ASS1: variants seen among roughly 807,000 people sequenced by gnomAD.
ASS1 encodes the protein argininosuccinate synthase.
In ASS1, 58 loss-of-function variants were observed where a neutral mutation model predicts 60.5. The ratio of observed to expected loss-of-function variants is 0.96; its 90% CI spans 0.78 to 1.19. ASS1 has a LOEUF of 1.19. ASS1 is among the 50% of genes most tolerant of loss of function. ASS1 has a pLI of 0.00. For synonymous variants in ASS1, 200 were observed against 206.9 expected (o/e 0.97, Z 0.29); for missense variants, 454 against 547.3 (o/e 0.83, Z 1.70).
At chr9:130,461,714 C>T (rs996566293) in intron 4 of ASS1, among the ~76,000 whole-genome samples, 2 of 152,166 alleles carry the variant, frequency 1.3e-5, no homozygotes, top group African/African-American at 4.8e-5. Flanking sequence ...GAGTGGAGAA[C>T]CAGGAAGGCT....
intron 10 of ASS1, 106 bp downstream of exon 10, chr9:130,479,906 A>G (rs1588495745): frequency 2.4e-6 from 3 of 1,268,730 alleles, no homozygotes; most frequent in Non-Finnish European, 2.3e-6. Context: ...AGGGGTGCGG[A>G]GCACAGGCCA....
rs1267203034 is a variant in ASS1 at position 130,445,114 on chromosome 9, A to T, written c.-6+119A>T. 4.1e-6 allele frequency: 4 copies of T among 978,922 alleles called. No individual in the cohort carries two copies. In the African/African-American group the frequency reaches 7.0e-5, roughly 17 times the overall value. The allele number at this position is 978,922 out of a possible 1,614,324, so 60.6% of individuals were successfully genotyped here. Reference sequence around the variant, plus strand: ...CGGGGCCCGCGGAGGCAGAGGGCGGACCCCGATCGCCACTCGCCGGGGACT... The same window carrying T: ...CGGGGCCCGCGGAGGCAGAGGGCGGTCCCCGATCGCCACTCGCCGGGGACT... On this transcript the variant is annotated intron_variant, in intron 1 of 14. Coordinates refer to ENST00000352480, the MANE Select transcript of ASS1 (RefSeq NM_054012.4).
chr9:130,462,722 C>T (rs1343903190), intron 4 of ASS1, among the ~76,000 whole-genome samples: 2 of 152,182 alleles, frequency 1.3e-5, no homozygotes, highest in African/African-American at 4.8e-5. Context: ...ACGGGGCCGG[C>T]TGGGGGTCAG....
chr9:130,477,194 G>A lies in ASS1; in HGVS notation c.688+233G>A, dbSNP rs555317566. 8.5e-5 allele frequency among the ~76,000 whole-genome samples: 13 copies of A among 152,240 alleles called. No individual in the cohort carries two copies. The East Asian group carries it at 1.7e-3, about 20-fold the overall frequency. On this transcript the variant is annotated intron_variant, in intron 9 of 14. Transcript: ENST00000352480. This position sits in a 1 kb window ranked among gnomAD's most constrained non-coding sequence, Gnocchi z 4.2. Reference sequence around the variant, plus strand: ...ACATGCCCTCGGCTACCCATCACTCGGGTTCATGGGCACCAGGTCTGGAAT... The same window carrying A: ...ACATGCCCTCGGCTACCCATCACTCAGGTTCATGGGCACCAGGTCTGGAAT...
chr9:130,454,290 G>T lies in ASS1; in HGVS notation c.106-15G>T, dbSNP rs77534228. On this transcript the variant is annotated splice_polypyrimidine_tract_variant and intron_variant, in intron 2 of 14. Transcript: ENST00000352480. ...CCCCAGGGGCTGACGGAGCCTCTCCGCTTCTGCTTCTCAGGCCAACATTGG... is the reference window on the plus strand; with the variant it reads ...CCCCAGGGGCTGACGGAGCCTCTCCTCTTCTGCTTCTCAGGCCAACATTGG... The T allele has an allele frequency of 5.0e-6, 8 of 1,607,758 alleles. No homozygotes were observed. Among genetic ancestry groups the T allele is most frequent in the Admixed American group, 3.4e-5 (2 of 59,570 alleles).
At chr9:130,480,812 C>T (rs1339175916) in intron 11 of ASS1, among the ~76,000 whole-genome samples, 1 of 152,188 alleles carries the variant, frequency 6.6e-6, no homozygotes, top group African/African-American at 2.4e-5. Context: ...ATTTCGTGGT[C>T]ATTAAGGCCG....
chr9:130,458,663 G>A (rs1041934099), intron 4 of ASS1, 74 bp downstream of exon 4: 16 of 1,550,644 alleles, frequency 1.0e-5, no homozygotes, highest in Admixed American at 5.7e-5. Flanking sequence ...AGCACCCCTC[G>A]AGCGGTTTCC....
In ASS1 at chr9:130,464,128, G is replaced by T; in HGVS notation, c.381G>T (p.Arg127=). ...GATGKGNDQV[R]FELSCYSLAP... ...CATTGCAGGGGAACGATCAGGTCCG[G>T]TTTGAGCTCAGCTGCTACTCACTGG... The change falls in exon 5 of 15, where the codon CGG becomes CGT. Residue 127 remains arginine (R), a synonymous_variant. Transcript: ENST00000352480. 3 of 1,614,060 alleles carry T rather than the reference G, an allele frequency of 1.9e-6. No homozygotes were observed. Among genetic ancestry groups the T allele is most frequent in the Non-Finnish European group, 2.5e-6 (3 of 1,179,990 alleles).
chr9:130,472,190 C>T (rs967791334), intron 8 of ASS1, among the ~76,000 whole-genome samples: 5 of 152,184 alleles, frequency 3.3e-5, no homozygotes, highest in Non-Finnish European at 5.9e-5. Context: ...GGCCCAGCCC[C>T]ACACCCCGGG....
chr9:130,469,974 G>T (rs964449131), intron 6 of ASS1, among the ~76,000 whole-genome samples: 3 of 152,218 alleles, frequency 2.0e-5, no homozygotes, highest in Non-Finnish European at 4.4e-5. Context: ...GGCCCCTTCA[G>T]TGCACCCTGT....
At position 130,463,963 on chromosome 9, in the gene ASS1, A is replaced by G. The variant is rs1242312714; in HGVS notation, c.364-148A>G. 3 of 816,776 alleles carry G rather than the reference A, an allele frequency of 3.7e-6. No homozygotes were observed. In the African/African-American group the frequency reaches 5.1e-5, roughly 14 times the overall value. 50.6% of individuals were successfully genotyped at this position (816,776 alleles called of 1,614,324 possible). On this transcript the variant is annotated intron_variant, in intron 4 of 14. Coordinates refer to ENST00000352480, the MANE Select transcript of ASS1 (RefSeq NM_054012.4). ...TCTCCCTCCTGCCACATGCCCACAC[A>G]TACACGACCTACACTGCATGACCTC...
chr9:130,449,197 G>C (rs1384291647), intron 1 of ASS1, among the ~76,000 whole-genome samples: 1 of 152,112 alleles, frequency 6.6e-6, no homozygotes, highest in Non-Finnish European at 1.5e-5. Flanking sequence ...CAGGTGTGGT[G>C]GCATGTGCCT....
chr9:130,470,785 G>T lies in ASS1; in HGVS notation c.496-49G>T, dbSNP rs529617766. On this transcript the variant is annotated intron_variant, in intron 6 of 14. Coordinates refer to ENST00000352480, the MANE Select transcript of ASS1 (RefSeq NM_054012.4). This position sits in a 1 kb window ranked among gnomAD's most constrained non-coding sequence, Gnocchi z 4.3. ...GCAGGGCCCCTGGGACGGACCTCAC[G>T]CGTCCTTCCAGCCGCCTTACCTCCA... is the stretch of plus-strand genomic sequence containing the variant. The T allele has an allele frequency of 1.3e-6, 2 of 1,566,964 alleles. No individual in the cohort carries two copies. The highest frequency in any genetic ancestry group is 1.8e-6 in the Non-Finnish European group (2 of 1,137,478).
intron 2 of ASS1, among the ~76,000 whole-genome samples, chr9:130,453,021 G>C (rs1217426458): frequency 3.9e-5 from 6 of 152,198 alleles, no homozygotes; most frequent in Admixed American, 3.9e-4. Flanking sequence ...AGAACTCCAG[G>C]GGTAGGATGG....
At chr9:130,456,356 C>T (rs890924509) in intron 3 of ASS1, among the ~76,000 whole-genome samples, 1 of 151,954 alleles carries the variant, frequency 6.6e-6, no homozygotes, top group Non-Finnish European at 1.5e-5. Flanking sequence ...ATCCCAGATG[C>T]TCGGGAGGCT....
chr9:130,486,775 C>T (rs112804834), intron 11 of ASS1, among the ~76,000 whole-genome samples: 3,015 of 152,332 alleles, frequency 0.02, 38 homozygotes, highest in Non-Finnish European at 0.03. Flanking sequence ...AAGCATGTCA[C>T]CTGACACCAG....
intron 6 of ASS1, among the ~76,000 whole-genome samples, chr9:130,469,235 G>GGC (rs1171768475): frequency 6.6e-6 from 1 of 152,224 alleles, no homozygotes; most frequent in Non-Finnish European, 1.5e-5. Context: ...ACCCATGCCT[G>GGC]GCCAAGGGCA....
chr9:130,446,167 A>G (rs561088325), intron 1 of ASS1, among the ~76,000 whole-genome samples: 1 of 152,064 alleles, frequency 6.6e-6, no homozygotes, highest in Admixed American at 6.6e-5. Flanking sequence ...CCCAAGCTTC[A>G]GTCTGTTAGA....
chr9:130,471,452 C>A, intron 7 of ASS1, 33 bp from the exon 8 acceptor site: 4 of 1,613,636 alleles, frequency 2.5e-6, no homozygotes, highest in Non-Finnish European at 3.4e-6. Flanking sequence ...TGTCCCTCCC[C>A]AGCTGACCCT....
Sources: gnomAD v4.1 joint callset for allele counts (sites outside exome capture counted in the v4.1 genomes callset) on GRCh38, gnomAD v4.1.1 for gene constraint, Gnocchi (gnomAD v3.1) non-coding constraint, MANE v1.5 for transcripts, NCBI Gene and HGNC (gene_info 2026-07-23, HGNC 2026-07-21) for gene names.